Variants in MYO5A observed in about 807,000 individuals in gnomAD.
MYO5A encodes unconventional myosin-Va.
MYO5A carries 98 observed loss-of-function variants against 249.7 expected under a neutral mutation model. The ratio of observed to expected loss-of-function variants is 0.39; its 90% confidence interval spans 0.33 to 0.46. MYO5A has a LOEUF of 0.46. Among genes scored for constraint, MYO5A ranks in the 20% least tolerant of loss-of-function variants. The pLI is 0.98. For synonymous variants in MYO5A, 778 were observed against 810.6 expected (o/e 0.96, Z 0.68); for missense variants, 1,696 against 2,308.8 (o/e 0.73, Z 5.44).
At chr15:52,451,527 A>C (rs2076020072) in intron 1 of MYO5A, among the ~76,000 whole-genome samples, 1 of 152,208 alleles carries the variant, frequency 6.6e-6, no homozygotes, top group Non-Finnish European at 1.5e-5. Context: ...AACCCCTATG[A>C]GCCCTGCATT....
In MYO5A at chr15:52,389,488, T is replaced by C. The variant is rs889380693; in HGVS notation, c.1543-125A>G. 8.8e-6 allele frequency: 8 copies of C among 910,488 alleles called. No individual in the cohort carries two copies. In the African/African-American group the frequency reaches 1.2e-4, roughly 13 times the overall value. The allele number at this position is 910,488 out of a possible 1,614,324, so 56.4% of individuals were successfully genotyped here. ...TTAACTAATAACTTTTACAATTCAA[T>C]TTAGGAGTTCATTCCTTCCACATTT... On this transcript the variant is annotated intron_variant, in intron 12 of 41. Coordinates refer to ENST00000399233, the MANE Select transcript of MYO5A (RefSeq NM_001382347.1).
chr15:52,390,907 A>G (rs1478826676), intron 12 of MYO5A, among the ~76,000 whole-genome samples: 1 of 152,100 alleles, frequency 6.6e-6, no homozygotes, highest in Non-Finnish European at 1.5e-5. Flanking sequence ...ATAATTCTAC[A>G]CACTCATTGC....
chr15:52,328,013 A>G lies in MYO5A; in HGVS notation c.4556-7T>C. The G allele has an allele frequency of 6.2e-7, 1 of 1,607,844 alleles. No individual in the cohort carries two copies. Among genetic ancestry groups the G allele is most frequent in the Non-Finnish European group, 8.5e-7 (1 of 1,175,052 alleles). On this transcript the variant is annotated splice_region_variant and splice_polypyrimidine_tract_variant and intron_variant, in intron 35 of 41. Transcript: ENST00000399233. ...ACACCACGTGGCTTCAGTTCTAAAA[A>G]AGAAAAAATAATAATTTTATATAAC... is the stretch of plus-strand genomic sequence containing the variant.
In MYO5A at chr15:52,337,858, G is replaced by T. The variant is rs1260671105; in HGVS notation, c.4266C>A (p.Asp1422Glu). Residue 1422 changes from aspartate to glutamate, a missense_variant, in exon 33 of 42, where the codon GAC (aspartate) becomes GAA (glutamate). Asp to Glu is a conservative substitution (Grantham distance 45). Coordinates refer to ENST00000399233, the MANE Select transcript of MYO5A (RefSeq NM_001382347.1). ...NLYFEELYAD[D>E]PKKYQSYRIS... ...TCCGATATGATTGATACTTCTTAGG[G>T]TCATCTGCATATAATTCCTCAAAAT... 6.5e-7 allele frequency: 1 copy of T among 1,545,216 alleles called. No individual in the cohort carries two copies. The highest frequency in any genetic ancestry group is 2.0e-5 in the Admixed American group (1 of 50,782).
intron 23 of MYO5A, 149 bp downstream of exon 23, chr15:52,366,882 C>T: frequency 1.4e-6 from 1 of 725,722 alleles, no homozygotes; most frequent in African/African-American, 1.8e-5. Context: ...TCTGTTGCCT[C>T]TTGGAACTTT....
chr15:52,327,020 C>T (rs948980273), intron 36 of MYO5A, among the ~76,000 whole-genome samples: 1 of 152,138 alleles, frequency 6.6e-6, no homozygotes, highest in Admixed American at 6.5e-5. Flanking sequence ...CAAGTCTTTC[C>T]TCTCTGATTA....
intron 1 of MYO5A, among the ~76,000 whole-genome samples, chr15:52,525,540 T>A (rs1190892625): frequency 6.6e-6 from 1 of 152,224 alleles, no homozygotes; most frequent in African/African-American, 2.4e-5. Flanking sequence ...CACATTAAAA[T>A]CTGCCCTTAA....
intron 1 of MYO5A, among the ~76,000 whole-genome samples, chr15:52,449,157 C>T (rs1033275751): frequency 7.9e-5 from 12 of 151,496 alleles, no homozygotes; most frequent in Admixed American, 3.9e-4. Flanking sequence ...TTAGTAGAGA[C>T]GGGGTTTCAC....
At chr15:52,416,456 T>C (rs1355103721) in intron 4 of MYO5A, among the ~76,000 whole-genome samples, 155 bp from the exon 5 acceptor site, 1 of 152,114 alleles carries the variant, frequency 6.6e-6, no homozygotes, top group Non-Finnish European at 1.5e-5. Context: ...GTTCAATCCC[T>C]ATACTGGCCA....
At chr15:52,404,884 T>A (rs1240247708) in intron 9 of MYO5A, among the ~76,000 whole-genome samples, 2 of 152,098 alleles carry the variant, frequency 1.3e-5, no homozygotes, top group African/African-American at 4.8e-5. Flanking sequence ...AAGTAAGGTG[T>A]TGGGTCTGCT....
intron 21 of MYO5A, 122 bp downstream of exon 21, chr15:52,372,002 C>G (rs528961412): frequency 1.1e-5 from 16 of 1,403,974 alleles, no homozygotes; most frequent in Non-Finnish European, 1.5e-5. Flanking sequence ...GAAATAAATA[C>G]GGTCATAATT....
intron 40 of MYO5A, among the ~76,000 whole-genome samples, chr15:52,315,860 C>T (rs183483549): frequency 8.6e-5 from 13 of 151,980 alleles, no homozygotes; most frequent in Non-Finnish European, 1.8e-4. Context: ...CCATGTTGGT[C>T]AGGCTGGTCT....
intron 1 of MYO5A, among the ~76,000 whole-genome samples, chr15:52,490,713 A>G (rs976962294): frequency 6.6e-6 from 1 of 151,790 alleles, no homozygotes; most frequent in African/African-American, 2.4e-5. Context: ...GTACAACAAT[A>G]TGTTGTTGTT....
At chr15:52,501,054 C>T (rs1475813636) in intron 1 of MYO5A, among the ~76,000 whole-genome samples, 1 of 151,860 alleles carries the variant, frequency 6.6e-6, no homozygotes. Flanking sequence ...GCTGCAAGCT[C>T]CGCCTCCCGG....
intron 1 of MYO5A, among the ~76,000 whole-genome samples, chr15:52,455,559 A>C (rs958076502): frequency 7.2e-5 from 11 of 151,814 alleles, no homozygotes; most frequent in Non-Finnish European, 1.0e-4. Flanking sequence ...AAAAATTCTC[A>C]AAAAAAATAC....
intron 1 of MYO5A, among the ~76,000 whole-genome samples, chr15:52,481,334 T>C (rs2076710453): frequency 6.6e-6 from 1 of 152,242 alleles, no homozygotes; most frequent in Non-Finnish European, 1.5e-5. Flanking sequence ...TTTTCTATTT[T>C]ACTTTATACC....
chr15:52,419,319 G>C (rs2141262586), intron 4 of MYO5A, among the ~76,000 whole-genome samples: 1 of 152,294 alleles, frequency 6.6e-6, no homozygotes, highest in African/African-American at 2.4e-5. Context: ...AAAATATTAA[G>C]TTAGTGTAAT....
At chr15:52,376,254 G>A in intron 19 of MYO5A, 93 bp downstream of exon 19, 3 of 1,137,958 alleles carry the variant, frequency 2.6e-6, no homozygotes, top group Non-Finnish European at 3.9e-6. Flanking sequence ...AAAAGGTGAG[G>A]TGTTATCTTT....
intron 19 of MYO5A, 120 bp from the exon 20 acceptor site, chr15:52,375,580 C>T: frequency 2.0e-6 from 2 of 1,009,670 alleles, no homozygotes; most frequent in South Asian, 1.4e-5. Flanking sequence ...TTGTATTATT[C>T]TAATAATGTG....
Sources: allele counts gnomAD v4.1 joint callset (sites outside exome capture counted in the v4.1 genomes callset), GRCh38; gene constraint gnomAD v4.1.1; transcripts MANE v1.5; gene names NCBI Gene and HGNC (gene_info 2026-07-23, HGNC 2026-07-21).